The following PTCHD4 variants were observed in gnomAD, a reference collection of about 807,000 sequenced individuals.
PTCHD4 encodes patched domain-containing protein 4.
PTCHD4 carries 33 observed loss-of-function variants against 58.1 expected under a neutral mutation model. The observed-to-expected ratio is 0.57, with a 90% CI of 0.43 to 0.76. The LOEUF (loss-of-function observed/expected upper bound fraction) is 0.76, where lower values mean the gene tolerates loss of function less well. PTCHD4 is among the 30% of genes least tolerant of loss of function. The pLI is 0.00. For missense variants in PTCHD4, 1,058 were observed against 1,027.1 expected (o/e 1.03, Z -0.41); for synonymous variants, 478 against 409.6 (o/e 1.17, Z -2.02).
chr6:48,088,109 A>T (rs1341506156), intron 1 of PTCHD4, among the ~76,000 whole-genome samples: 1 of 152,192 alleles, frequency 6.6e-6, no homozygotes, highest in Admixed American at 6.5e-5. Context: ...GGAACTCAGG[A>T]TCATAGATTC....
At chr6:48,107,357 T>A (rs546854481) in intron 1 of PTCHD4, among the ~76,000 whole-genome samples, 1 of 152,330 alleles carries the variant, frequency 6.6e-6, no homozygotes, top group East Asian at 1.9e-4. Context: ...GGGAAAGGAT[T>A]CCCTATTTAA....
At chr6:47,931,272 G>A (rs1383659021) in intron 4 of PTCHD4, among the ~76,000 whole-genome samples, 1 of 152,190 alleles carries the variant, frequency 6.6e-6, no homozygotes, top group Non-Finnish European at 1.5e-5. Flanking sequence ...TCTAGTCCTT[G>A]TTCCTGGTCA....
rs909248659 is a variant in PTCHD4 at position 47,863,070 on chromosome 6, T to C, written c.*15233A>G. Among the ~76,000 whole-genome samples, 3 of 151,996 alleles carry C rather than the reference T, an allele frequency of 2.0e-5. No homozygotes were observed. The highest frequency in any genetic ancestry group is 3.4e-3 in the Middle Eastern group (1 of 294). On this transcript the variant is annotated 3_prime_UTR_variant, in exon 5 of 5. Coordinates refer to ENST00000339488, the MANE Select transcript of PTCHD4 (RefSeq NM_001384253.1). The stretch of plus-strand genomic sequence containing the variant: ...TATAGGAACAAAAAGATCTTCAAAT[T>C]CTCTGGGCATTCATTGTACTTAACT...
At chr6:48,096,639 T>C (rs1367277687) in intron 1 of PTCHD4, among the ~76,000 whole-genome samples, 4 of 149,328 alleles carry the variant, frequency 2.7e-5, no homozygotes, top group Non-Finnish European at 5.9e-5. Context: ...AATAAAGAAA[T>C]TCATTGTGCC....
At chr6:47,920,999 C>T (rs1765414584) in intron 4 of PTCHD4, among the ~76,000 whole-genome samples, 1 of 152,062 alleles carries the variant, frequency 6.6e-6, no homozygotes, top group South Asian at 2.1e-4. Flanking sequence ...GAGACAAGGA[C>T]TGAAGTTGTC....
intron 4 of PTCHD4, among the ~76,000 whole-genome samples, chr6:47,935,856 A>G (rs1765981679): frequency 6.6e-6 from 1 of 152,208 alleles, no homozygotes; most frequent in Admixed American, 6.5e-5. Flanking sequence ...AGTAGTATGG[A>G]GAAAAATAAA....
intron 4 of PTCHD4, among the ~76,000 whole-genome samples, chr6:47,894,141 A>G (rs951318172): frequency 3.9e-5 from 6 of 152,222 alleles, no homozygotes; most frequent in African/African-American, 1.4e-4. Flanking sequence ...CAGAAATGGC[A>G]GGAGCAGGAG....
intron 1 of PTCHD4, among the ~76,000 whole-genome samples, chr6:48,103,936 A>G (rs565185388): frequency 1.3e-5 from 2 of 152,334 alleles, no homozygotes; most frequent in East Asian, 3.9e-4. Context: ...AGCCTCCAAG[A>G]AATATGGGAC....
intron 1 of PTCHD4, among the ~76,000 whole-genome samples, chr6:48,080,195 G>T (rs752546746): frequency 4.6e-5 from 7 of 151,972 alleles, no homozygotes; most frequent in Non-Finnish European, 1.0e-4. Flanking sequence ...TTAGTCTTCA[G>T]CCTGTCAAAC....
intron 3 of PTCHD4, among the ~76,000 whole-genome samples, chr6:48,062,668 T>C (rs969661906): frequency 5.3e-5 from 8 of 151,998 alleles, no homozygotes; most frequent in East Asian, 3.9e-4. Context: ...CTTATCCCAA[T>C]AGGATGGCCA....
intron 4 of PTCHD4, among the ~76,000 whole-genome samples, chr6:47,954,586 A>G (rs1248055887): frequency 6.6e-6 from 1 of 152,232 alleles, no homozygotes; most frequent in Non-Finnish European, 1.5e-5. Flanking sequence ...GGTAGCTGAC[A>G]TTAGAGGCAT....
At position 47,878,671 on chromosome 6, in the gene PTCHD4, C is replaced by A. The variant is rs762289499; in HGVS notation, c.2164G>T (p.Ala722Ser). Residue 722 changes from alanine to serine, a missense_variant, in exon 5 of 5, where the codon GCC (alanine) becomes TCC (serine). Transcript: ENST00000339488. ...ILCLIYTLNFAIDHCAPLLFT... is the reference protein window; with the variant it reads ...ILCLIYTLNFSIDHCAPLLFT... The stretch of plus-strand genomic sequence containing the variant: ...AGCAGTGGTGCACAGTGGTCAATGG[C>A]GAAATTCAAGGTGTAGATAAGGCAC... 21 of 1,613,330 alleles carry A rather than the reference C, an allele frequency of 1.3e-5. No individual in the cohort carries two copies. The East Asian group carries it at 4.5e-4, about 34-fold the overall frequency.
chr6:48,054,334 C>A (rs370251169), intron 3 of PTCHD4, among the ~76,000 whole-genome samples: 1 of 152,240 alleles, frequency 6.6e-6, no homozygotes, highest in East Asian at 1.9e-4. Context: ...CTATAAATAA[C>A]TCAGGTCCTC....
At chr6:48,005,223 A>G (rs1762387560) in intron 4 of PTCHD4, among the ~76,000 whole-genome samples, 1 of 152,220 alleles carries the variant, frequency 6.6e-6, no homozygotes, top group Admixed American at 6.5e-5. Context: ...CGAAGAGAAG[A>G]CAGCTAAGCC....
chr6:48,102,725 G>A (rs1178447233), intron 1 of PTCHD4, among the ~76,000 whole-genome samples: 2 of 152,288 alleles, frequency 1.3e-5, no homozygotes, highest in East Asian at 1.9e-4. Context: ...GGTGACAGAC[G>A]GCACCTGGAA....
chr6:48,041,757 A>G (rs2114152650), intron 3 of PTCHD4, among the ~76,000 whole-genome samples: 1 of 152,144 alleles, frequency 6.6e-6, no homozygotes, highest in South Asian at 2.1e-4. Context: ...CTTAACATCC[A>G]GAAAACTGAC....
At chr6:47,990,896 A>G (rs1469093962) in intron 4 of PTCHD4, among the ~76,000 whole-genome samples, 2 of 152,222 alleles carry the variant, frequency 1.3e-5, no homozygotes, top group Admixed American at 1.3e-4. Flanking sequence ...CTACATATTC[A>G]TATTAGCTAC....
chr6:47,903,725 C>T (rs893622776), intron 4 of PTCHD4, among the ~76,000 whole-genome samples: 1 of 152,088 alleles, frequency 6.6e-6, no homozygotes, highest in Admixed American at 6.5e-5. Flanking sequence ...AAGTCCCTTC[C>T]CTCATGGGAC....
chr6:48,100,120 T>C (rs1765569533), intron 1 of PTCHD4, among the ~76,000 whole-genome samples: 1 of 152,172 alleles, frequency 6.6e-6, no homozygotes, highest in African/African-American at 2.4e-5. Flanking sequence ...TCAGGTGATA[T>C]CAACATGGTA....
Sources: gnomAD v4.1 joint callset for allele counts (sites outside exome capture counted in the v4.1 genomes callset) on GRCh38, gnomAD v4.1.1 for gene constraint, MANE v1.5 for transcripts, NCBI Gene and HGNC (gene_info 2026-07-23, HGNC 2026-07-21) for gene names.